CHD6: variants seen among roughly 807,000 people sequenced by gnomAD.
The protein encoded by CHD6 is chromodomain helicase DNA binding protein 6, also known as ATP-dependent chromatin remodeler CHD6.
In CHD6, 50 loss-of-function variants were observed where a neutral mutation model predicts 276.9. That is an observed-to-expected ratio of 0.18 (90% CI 0.14 to 0.23). CHD6 has a LOEUF of 0.23. Among genes scored for constraint, CHD6 ranks in the 10% least tolerant of loss-of-function variants. CHD6 has a pLI of 1.00. For synonymous variants in CHD6, 1,173 were observed against 1,229.3 expected, an observed-to-expected ratio of 0.95 and a Z score of 0.96; for missense variants, 2,564 against 3,365.8, an observed-to-expected ratio of 0.76 and a Z score of 5.89.
chr20:41,504,797 C>T (rs1287221183), intron 5 of CHD6, among the ~76,000 whole-genome samples: 2 of 152,140 alleles, frequency 1.3e-5, no homozygotes, highest in Non-Finnish European at 2.9e-5. Context: ...CTAGGGTCTG[C>T]TTCTATTATA....
chr20:41,565,448 C>T (rs548838728), intron 1 of CHD6, among the ~76,000 whole-genome samples: 7 of 152,114 alleles, frequency 4.6e-5, no homozygotes, highest in South Asian at 2.1e-4. Context: ...CAAGAGGCAT[C>T]AGGGCACGAG....
chr20:41,554,747 C>T (rs886735605), intron 1 of CHD6, among the ~76,000 whole-genome samples: 2 of 151,960 alleles, frequency 1.3e-5, no homozygotes, highest in African/African-American at 4.8e-5. Flanking sequence ...TTTCTTAGTA[C>T]AGAACAAAAT....
chr20:41,445,578 A>G, intron 25 of CHD6, 87 bp downstream of exon 25: 1 of 770,372 alleles, frequency 1.3e-6, no homozygotes, highest in South Asian at 1.6e-5. Context: ...GTTTTGCAGG[A>G]ACATGCCGAG....
rs758883619 is a variant in CHD6 at position 41,545,823 on chromosome 20, CCCT to C, written c.33+5479_33+5481del. 5.9e-5 allele frequency among the ~76,000 whole-genome samples: 9 copies of C among 152,094 alleles called. No homozygotes were observed. In the East Asian group the frequency reaches 7.7e-4, roughly 13 times the overall value. On this transcript the variant is annotated intron_variant, in intron 2 of 36. Transcript: ENST00000373233. ...CCAAAACCACCTATATTACTCTCTT[CCCT>C]CCTAAGCTTTCCTCCTGAGGACCCT...
chr20:41,599,445 C>T (rs1041941121), intron 1 of CHD6, among the ~76,000 whole-genome samples: 3 of 152,110 alleles, frequency 2.0e-5, no homozygotes, highest in African/African-American at 2.4e-5. Context: ...AATCTTTACC[C>T]CCCTTGCAAT....
chr20:41,578,163 C>A (rs545276507), intron 1 of CHD6, among the ~76,000 whole-genome samples: 1 of 152,084 alleles, frequency 6.6e-6, no homozygotes, highest in East Asian at 1.9e-4. Flanking sequence ...GCAAGCCCCC[C>A]ACGCCCCCAA....
chr20:41,498,338 A>G (rs2043738157), intron 6 of CHD6, 112 bp from the exon 7 acceptor site: 5 of 784,870 alleles, frequency 6.4e-6, no homozygotes, highest in Non-Finnish European at 1.0e-5. Flanking sequence ...AAGATTTCTT[A>G]AGGCATATTT....
intron 3 of CHD6, among the ~76,000 whole-genome samples, chr20:41,529,607 G>A (rs2044630923): frequency 6.6e-6 from 1 of 152,074 alleles, no homozygotes; most frequent in Non-Finnish European, 1.5e-5. Context: ...AAAGGACTTG[G>A]GATACTGAGA....
At position 41,617,804 on chromosome 20, in the gene CHD6, G is replaced by T. The variant is rs2045948270; in HGVS notation, c.-24+536C>A. On this transcript the variant is annotated intron_variant, in intron 1 of 36. Coordinates refer to ENST00000373233, the MANE Select transcript of CHD6 (RefSeq NM_032221.5). Reference sequence around the variant, plus strand: ...CGCCCCCTCCCGGAACAGCAGCCTGGCACCAGCCCACCCTCCTCCACCCCT... The same window carrying T: ...CGCCCCCTCCCGGAACAGCAGCCTGTCACCAGCCCACCCTCCTCCACCCCT... 4.0e-5 allele frequency among the ~76,000 whole-genome samples: 6 copies of T among 151,748 alleles called. No individual in the cohort carries two copies. In the South Asian group the frequency reaches 1.2e-3, roughly 31 times the overall value.
At chr20:41,555,882 T>C (rs1000725873) in intron 1 of CHD6, among the ~76,000 whole-genome samples, 1 of 150,548 alleles carries the variant, frequency 6.6e-6, no homozygotes, top group Non-Finnish European at 1.5e-5. Context: ...TCTCGGTACT[T>C]TGGGAGGCCA....
intron 1 of CHD6, among the ~76,000 whole-genome samples, chr20:41,601,990 G>A (rs1313099992): frequency 1.3e-5 from 2 of 152,072 alleles, no homozygotes; most frequent in East Asian, 3.9e-4. Flanking sequence ...ACCACACAGG[G>A]CCTCCCTCTG....
chr20:41,449,301 A>G (rs577843642), intron 23 of CHD6, among the ~76,000 whole-genome samples: 2 of 152,300 alleles, frequency 1.3e-5, no homozygotes, highest in South Asian at 4.1e-4. Context: ...CGTAGCTGTC[A>G]GCTTTAGTAA....
intron 2 of CHD6, among the ~76,000 whole-genome samples, chr20:41,537,741 G>C (rs1297361812): frequency 2.0e-5 from 3 of 152,092 alleles, no homozygotes; most frequent in Non-Finnish European, 4.4e-5. Flanking sequence ...AATAATTTTG[G>C]CAAGGATACA....
chr20:41,473,426 C>A lies in CHD6; in HGVS notation c.2560G>T (p.Val854Phe). 6.2e-7 allele frequency: 1 copy of A among 1,614,134 alleles called. No individual in the cohort carries two copies. The highest frequency in any genetic ancestry group is 8.5e-7 in the Non-Finnish European group (1 of 1,180,006). Residue 854 changes from valine (V) to phenylalanine (F), a missense_variant, in exon 17 of 37, where the codon GTC (valine) becomes TTC (phenylalanine). Val to Phe is a conservative substitution (Grantham distance 50, BLOSUM62 -1). Around this residue, in one of 7 missense-constraint regions of CHD6, gnomAD observed 457 missense variants for 889.0 expected, o/e 0.51. Coordinates refer to ENST00000373233, the MANE Select transcript of CHD6 (RefSeq NM_032221.5). The surrounding 1 kb of genome is among the most constrained non-coding windows in gnomAD (Gnocchi z 4.1). ...CCCGCTCTGGTGCACAGAAGAAAGA[C>A]AAAGCGGTCTGAATCTGGCTTACAG... ...RFCKPDSDRF[V>F]FLLCTRAGGL...
At chr20:41,512,656 G>A (rs2145040) in intron 5 of CHD6, among the ~76,000 whole-genome samples, 190 bp downstream of exon 5, 57,125 of 151,812 alleles carry the variant, frequency 0.38, 13,371 homozygotes, top group African/African-American at 0.64. Flanking sequence ...GAGTGTGATC[G>A]TGGAGGGTCC....
intron 3 of CHD6, among the ~76,000 whole-genome samples, chr20:41,525,772 AG>A (rs1421163866): frequency 6.6e-6 from 1 of 152,208 alleles, no homozygotes; most frequent in Non-Finnish European, 1.5e-5. Flanking sequence ...ATCTCTTCCA[AG>A]GGACTCCCCA....
intron 27 of CHD6, among the ~76,000 whole-genome samples, chr20:41,427,994 T>C (rs1226262496): frequency 3.3e-5 from 5 of 152,170 alleles, no homozygotes; most frequent in African/African-American, 1.2e-4. Context: ...ACCATGTTCC[T>C]TCGTGCCATG....
intron 1 of CHD6, among the ~76,000 whole-genome samples, chr20:41,561,012 C>T (rs2045295568): frequency 6.6e-6 from 1 of 152,036 alleles, no homozygotes; most frequent in South Asian, 2.1e-4. Context: ...TTGGCTTCTT[C>T]CTATGGAACA....
chr20:41,476,003 T>TA (rs1011344098), intron 16 of CHD6, among the ~76,000 whole-genome samples: 5 of 151,512 alleles, frequency 3.3e-5, no homozygotes, highest in East Asian at 1.9e-4. Context: ...ACACAAAACT[T>TA]AAAAAAAAAT....
Sources: allele counts gnomAD v4.1 joint callset (sites outside exome capture counted in the v4.1 genomes callset), GRCh38; gene constraint gnomAD v4.1.1; regional missense constraint gnomAD v4.1.1; non-coding constraint Gnocchi (gnomAD v3.1); transcripts MANE v1.5; gene names NCBI Gene and HGNC (gene_info 2026-07-23, HGNC 2026-07-21).